The following FABP3 variants were observed in gnomAD, a reference collection of about 807,000 sequenced individuals.
FABP3 encodes fatty acid binding protein 3.
FABP3 carries 8 observed loss-of-function variants against 13.4 expected under a neutral mutation model. The ratio of observed to expected loss-of-function variants is 0.60; its 90% CI spans 0.35 to 1.07. The LOEUF is 1.07. Among genes scored for constraint, FABP3 ranks in the 50% least tolerant of loss-of-function variants. The probability of loss-of-function intolerance (pLI) is 0.02; values close to 1 mark genes in which losing one functional copy is unlikely to be tolerated. For synonymous variants in FABP3, 64 were observed against 60.0 expected, an observed-to-expected ratio of 1.07 and a Z score of -0.31; for missense variants, 135 against 164.7, an observed-to-expected ratio of 0.82 and a Z score of 0.99.
intron 1 of FABP3, among the ~76,000 whole-genome samples, chr1:31,370,103 CAA>C (rs10645207): frequency 1.4e-5 from 2 of 139,280 alleles, no homozygotes; most frequent in Non-Finnish European, 1.5e-5. Flanking sequence ...GATTCCACCT[CAA>C]AAAAAAAAAA....
rs773790449 is a variant in FABP3 at position 31,372,945 on chromosome 1, G to C, written c.70C>G (p.Leu24Val). 1.2e-6 allele frequency: 2 copies of C among 1,613,282 alleles called. No individual in the cohort carries two copies. Among genetic ancestry groups the C allele is most frequent in the South Asian group, 2.2e-5 (2 of 91,090 alleles). ...CTGAGCCCCGCGGCTTGCTCACCGAGTGACTTCATGTAGTCATCGAAATTC... is the reference window on the plus strand; with the variant it reads ...CTGAGCCCCGCGGCTTGCTCACCGACTGACTTCATGTAGTCATCGAAATTC... The part of the protein sequence containing the change: ...SKNFDDYMKS[L>V]GVGFATRQVA... The change falls in exon 1 of 4, where the codon CTC (leucine) becomes GTC (valine). Residue 24 changes from leucine to valine, a missense_variant. By Grantham distance (32) the Leu-to-Val change is conservative (BLOSUM62 1). Coordinates refer to ENST00000373713, the MANE Select transcript of FABP3 (RefSeq NM_004102.5).
chr1:31,372,907 C>T, intron 1 of FABP3, 35 bp downstream of exon 1: 10 of 1,605,050 alleles, frequency 6.2e-6, no homozygotes, highest in Non-Finnish European at 8.5e-6. Flanking sequence ...CAGCCAGTCC[C>T]CAAGCCAACA....
intron 1 of FABP3, among the ~76,000 whole-genome samples, chr1:31,372,319 T>C (rs1040301883): frequency 6.6e-6 from 1 of 152,140 alleles, no homozygotes; most frequent in South Asian, 2.1e-4. Context: ...CAGACAGTGA[T>C]GAAGGCCTGG....
intron 1 of FABP3, among the ~76,000 whole-genome samples, chr1:31,370,330 A>T (rs893798430): frequency 6.6e-6 from 1 of 152,232 alleles, no homozygotes; most frequent in African/African-American, 2.4e-5. Flanking sequence ...AGGCTGGAGC[A>T]TAAGGCTGCC....
rs189441601 is a variant in FABP3 at position 31,370,599 on chromosome 1, C to T, written c.74-1042G>A. Among the ~76,000 whole-genome samples, 130 of 152,272 alleles carry T rather than the reference C, an allele frequency of 8.5e-4. 1 individual carries two copies. The highest frequency in any genetic ancestry group is 1.4e-4 in the African/African-American group (6 of 41,548). On this transcript the variant is annotated intron_variant, in intron 1 of 3. Coordinates refer to ENST00000373713, the MANE Select transcript of FABP3 (RefSeq NM_004102.5). ...GTGCAGATTCAGGAGGAGCCTAAAG[C>T]GGTAGCAACAATGAGTTAGACTCAA...
At chr1:31,370,520 A>G (rs1477608225) in intron 1 of FABP3, among the ~76,000 whole-genome samples, 1 of 152,200 alleles carries the variant, frequency 6.6e-6, no homozygotes, top group Admixed American at 6.5e-5. Flanking sequence ...ATCATTTTCA[A>G]AGCCTGTTAT....
At chr1:31,360,021 C>T in the FABP3 span, among the ~76,000 whole-genome samples, 1 of 151,874 alleles carries the variant, frequency 6.6e-6, no homozygotes, top group Non-Finnish European at 1.5e-5. Context: ...CATCTTGTTG[C>T]CCAGGCTGGA....
chr1:31,360,537 C>T (rs148903207), downstream of FABP3, among the ~76,000 whole-genome samples: 113 of 152,288 alleles, frequency 7.4e-4, no homozygotes, highest in East Asian at 0.011. Context: ...GGGAAAATGA[C>T]GCCATTTGCT....
chr1:31,370,827 T>A (rs1239893560), intron 1 of FABP3, among the ~76,000 whole-genome samples: 3 of 152,178 alleles, frequency 2.0e-5, no homozygotes, highest in African/African-American at 7.2e-5. Context: ...GGCAGCCCAG[T>A]GTAGTGAGGT....
downstream of FABP3, among the ~76,000 whole-genome samples, chr1:31,360,511 C>T (rs145670453): frequency 1.4e-3 from 218 of 152,300 alleles, 1 homozygote; most frequent in East Asian, 0.034. Context: ...TTCTGTAGCT[C>T]AAGGCTAGAC....
intron 1 of FABP3, 80 bp from the exon 2 acceptor site, chr1:31,369,637 G>A (rs1640174226): frequency 7.2e-7 from 1 of 1,387,594 alleles, no homozygotes; most frequent in East Asian, 2.4e-5. Context: ...ATAACTCTCA[G>A]GCCTGGGTAT....
At chr1:31,372,161 G>C (rs984616242) in intron 1 of FABP3, among the ~76,000 whole-genome samples, 10 of 152,070 alleles carry the variant, frequency 6.6e-5, no homozygotes, top group African/African-American at 2.4e-4. Flanking sequence ...CTCCCTCCCA[G>C]GTCTTGACCT....
intron 2 of FABP3, 197 bp downstream of exon 2, chr1:31,369,188 A>G: frequency 1.7e-6 from 1 of 604,668 alleles, no homozygotes; most frequent in South Asian, 2.7e-5. Context: ...GAGGGAAGAA[A>G]ACAAGAGGAC....
rs1640080616 is a variant in FABP3 at position 31,365,257 on chromosome 1, A to G, written c.*629T>C. Among the ~76,000 whole-genome samples the G allele has an allele frequency of 6.6e-6, 1 of 152,196 alleles. No individual in the cohort carries two copies. Among genetic ancestry groups the G allele is most frequent in the Admixed American group, 6.5e-5 (1 of 15,276 alleles). On this transcript the variant is annotated 3_prime_UTR_variant, in exon 4 of 4. Coordinates refer to ENST00000373713, the MANE Select transcript of FABP3 (RefSeq NM_004102.5). The stretch of plus-strand genomic sequence containing the variant: ...CCAGTGGTCATTTTCTCCCACCACC[A>G]TGGTACAAGCCTGGGTTCTGTGCCC...
At chr1:31,361,706 G>T (rs1294283445), downstream of FABP3, among the ~76,000 whole-genome samples, 1 of 152,214 alleles carries the variant, frequency 6.6e-6, no homozygotes, top group African/African-American at 2.4e-5. Context: ...TCTGGGACAA[G>T]TGGCTTTCAA....
At chr1:31,361,294 G>A (rs1639882844), downstream of FABP3, among the ~76,000 whole-genome samples, 1 of 152,218 alleles carries the variant, frequency 6.6e-6, no homozygotes. Context: ...CTTGTCTCCT[G>A]TAGATGCTTG....
In FABP3 at chr1:31,365,435, GA is replaced by G. The variant is rs1159584839; in HGVS notation, c.*450del. Among the ~76,000 whole-genome samples, 3 of 152,212 alleles carry G rather than the reference GA, an allele frequency of 2.0e-5. No homozygotes were observed. The highest frequency in any genetic ancestry group is 7.2e-5 in the African/African-American group (3 of 41,444). On this transcript the variant is annotated 3_prime_UTR_variant, in exon 4 of 4. Coordinates refer to ENST00000373713, the MANE Select transcript of FABP3 (RefSeq NM_004102.5). ...GACTGAACTAGGTCATTTGACCATG[GA>G]GGGGGGGCAGTGTAAAGGCAACGTG...
rs1225559914 is a variant in FABP3, at chr1:31,367,576, G to A, written c.247-82C>T. ...GGTGGGGTCTGGACACTGGGCCACA[G>A]AGCACACAGCCTTTGACCCAAACTA... On this transcript the variant is annotated intron_variant, in intron 2 of 3. Transcript: ENST00000373713. The A allele has an allele frequency of 7.5e-6, 9 of 1,204,460 alleles. No individual in the cohort carries two copies. In the African/African-American group the frequency reaches 1.3e-4, roughly 18 times the overall value. The allele number at this position is 1,204,460 out of a possible 1,614,324, so 74.6% of individuals were successfully genotyped here.
chr1:31,364,157 A>AAAG, downstream of FABP3: 2 of 1,613,868 alleles, frequency 1.2e-6, no homozygotes, highest in South Asian at 2.2e-5. Flanking sequence ...AGAAGAAGAA[A>AAAG]AAGAAGAAGA....
Sources: allele counts gnomAD v4.1 joint callset (sites outside exome capture counted in the v4.1 genomes callset), GRCh38; gene constraint gnomAD v4.1.1; transcripts MANE v1.5; gene names NCBI Gene and HGNC (gene_info 2026-07-23, HGNC 2026-07-21).